COL6A5: variants seen among roughly 807,000 people sequenced by gnomAD.
The protein encoded by COL6A5 is collagen type VI alpha 5 chain.
Under a neutral mutation model 65.6 loss-of-function variants are expected in COL6A5, and 48 were observed. The observed-to-expected ratio is 0.73, with a 90% CI of 0.58 to 0.93. COL6A5 has a LOEUF of 0.93. Ranked by LOEUF, COL6A5 falls within the 40% of genes least tolerant of loss-of-function variation. COL6A5 has a pLI of 0.00. For synonymous variants in COL6A5, 291 were observed against 322.8 expected (o/e 0.90, Z 1.05); for missense variants, 914 against 928.3 (o/e 0.98, Z 0.20).
chr3:130,454,107 A>C (rs1360072429), intron 4 of COL6A5, among the ~76,000 whole-genome samples: 1 of 152,220 alleles, frequency 6.6e-6, no homozygotes, highest in Non-Finnish European at 1.5e-5. Flanking sequence ...TTATACACTT[A>C]TAGTTCTTAT....
rs1233316069 is a variant in COL6A5 at position 130,471,946 on chromosome 3, A to T, written c.2328+979A>T. On this transcript the variant is annotated intron_variant, in intron 7 of 7. Transcript: ENST00000512836. ...AAGAAGGTAATCGTGAGTACCATAG[A>T]GCTGAAGACCCTCAAGTACCTTTGT... 2 of 1,529,292 alleles carry T rather than the reference A, an allele frequency of 1.3e-6. No individual in the cohort carries two copies. The highest frequency in any genetic ancestry group is 8.7e-7 in the Non-Finnish European group (1 of 1,143,508). 94.7% of individuals were successfully genotyped at this position (1,529,292 alleles called of 1,614,324 possible).
At chr3:130,410,141 T>C (rs1276012653) in intron 19 of COL6A5, 67 bp downstream of exon 19, 6 of 1,149,836 alleles carry the variant, frequency 5.2e-6, no homozygotes, top group Non-Finnish European at 7.6e-6. Flanking sequence ...TTTAGTAAGA[T>C]ATGTAACCCT....
At chr3:130,413,462 A>G in intron 20 of COL6A5, 83 bp from the exon 21 acceptor site, 1 of 1,291,864 alleles carries the variant, frequency 7.7e-7, no homozygotes, top group Non-Finnish European at 1.1e-6. Flanking sequence ...TATGTCTAGC[A>G]GAGAATGAAA....
intron 5 of COL6A5, among the ~76,000 whole-genome samples, chr3:130,387,613 C>T (rs151132795): frequency 2.4e-4 from 37 of 152,096 alleles, no homozygotes; most frequent in African/African-American, 6.3e-4. Flanking sequence ...TGACCTTACA[C>T]GTTTATTAAG....
At chr3:130,405,721 C>A in intron 14 of COL6A5, 62 bp downstream of exon 14, 1 of 1,290,750 alleles carries the variant, frequency 7.7e-7, no homozygotes, top group Non-Finnish European at 1.1e-6. Context: ...TCTCTTTCCC[C>A]ATTCCTTTCC....
chr3:130,405,280 A>G (rs908019470), intron 13 of COL6A5, among the ~76,000 whole-genome samples: 1 of 152,194 alleles, frequency 6.6e-6, no homozygotes, highest in African/African-American at 2.4e-5. Context: ...GAGTCTTGGA[A>G]TGTGGCTACA....
At chr3:130,398,498 A>G (rs1340131402) in intron 10 of COL6A5, among the ~76,000 whole-genome samples, 1 of 152,206 alleles carries the variant, frequency 6.6e-6, no homozygotes. Flanking sequence ...CAGATGCTGT[A>G]GATCTTGAGA....
At chr3:130,374,791 C>T (rs1296417951) in intron 2 of COL6A5, among the ~76,000 whole-genome samples, 1 of 152,044 alleles carries the variant, frequency 6.6e-6, no homozygotes, top group African/African-American at 2.4e-5. Flanking sequence ...GTCATATATG[C>T]AGTCTGTTGT....
At chr3:130,455,723 T>A in intron 5 of COL6A5, 57 bp downstream of exon 37, 2 of 1,347,760 alleles carry the variant, frequency 1.5e-6, no homozygotes, top group Non-Finnish European at 2.1e-6. Flanking sequence ...CCTCATCTTT[T>A]AACACTAGTA....
chr3:130,461,153 C>T (rs945194299), intron 5 of COL6A5, among the ~76,000 whole-genome samples: 55 of 151,934 alleles, frequency 3.6e-4, no homozygotes, highest in Admixed American at 1.2e-3. Context: ...AAGACTCAGA[C>T]GTAAGCTCTG....
intron 22 of COL6A5, among the ~76,000 whole-genome samples, chr3:130,414,731 A>T (rs554877955): frequency 6.6e-6 from 1 of 152,090 alleles, no homozygotes; most frequent in African/African-American, 2.4e-5. Flanking sequence ...TAGTCATCTT[A>T]TGAAGCCCAC....
chr3:130,425,209 G>T (rs1355298366), intron 29 of COL6A5, among the ~76,000 whole-genome samples: 2 of 152,108 alleles, frequency 1.3e-5, no homozygotes, highest in East Asian at 1.9e-4. Context: ...CAATGGGTAC[G>T]ACTGGGGATG....
At chr3:130,477,194 A>G (rs1211183637) in intron 7 of COL6A5, 1 of 827,624 alleles carries the variant, frequency 1.2e-6, no homozygotes, top group African/African-American at 1.7e-5. Context: ...TCTATCTCTG[A>G]GTTGTTGAAA....
intron 23 of COL6A5, among the ~76,000 whole-genome samples, chr3:130,416,289 T>C (rs1339191198): frequency 1.3e-5 from 2 of 152,114 alleles, no homozygotes; most frequent in Admixed American, 6.6e-5. Context: ...ATTCCTAGCA[T>C]GTGTGGTCAG....
intron 5 of COL6A5, among the ~76,000 whole-genome samples, chr3:130,465,053 G>A (rs73868673): frequency 0.012 from 1,843 of 152,152 alleles, 39 homozygotes; most frequent in African/African-American, 0.042. Flanking sequence ...TTAAGACACT[G>A]GACATTAGGA....
intron 10 of COL6A5, among the ~76,000 whole-genome samples, chr3:130,399,318 G>A (rs1052571723): frequency 5.9e-5 from 9 of 151,674 alleles, no homozygotes; most frequent in Non-Finnish European, 1.2e-4. Flanking sequence ...TGGCTTGGGA[G>A]CTTTGCAGAA....
Position 130,401,952 on chromosome 3 carries a change from C to T in COL6A5, c.4227+98C>T. ...TTGAATTTACAGCCTTCACTCTATGCTAATGGAATTGCTTTGGACATTTCA... is the reference window on the plus strand; with the variant it reads ...TTGAATTTACAGCCTTCACTCTATGTTAATGGAATTGCTTTGGACATTTCA... On this transcript the variant is annotated intron_variant and NMD_transcript_variant, in intron 12 of 41. Coordinates refer to the COL6A5 transcript ENST00000312481. The T allele has an allele frequency of 3.5e-6, 3 of 855,012 alleles. No individual in the cohort carries two copies. In the South Asian group the frequency reaches 5.0e-5, roughly 14 times the overall value. 53.0% of individuals were successfully genotyped at this position (855,012 alleles called of 1,614,324 possible).
Position 130,466,199 on chromosome 3 carries a change from C to T in COL6A5, c.1545-2596C>T, listed in dbSNP as rs542040784. ...TTTCAAGTGCACATGAAACATTTAC[C>T]AAGATAGACCATATTGTGGACCATA... On this transcript the variant is annotated intron_variant, in intron 5 of 7. Transcript: ENST00000512836. Among the ~76,000 whole-genome samples the T allele has an allele frequency of 7.2e-5, 11 of 151,940 alleles. No individual in the cohort carries two copies. In the South Asian group the frequency reaches 2.1e-3, roughly 29 times the overall value.
At chr3:130,463,006 G>C (rs1015188431) in intron 5 of COL6A5, among the ~76,000 whole-genome samples, 1 of 151,994 alleles carries the variant, frequency 6.6e-6, no homozygotes, top group Non-Finnish European at 1.5e-5. Context: ...CCAAGCACTG[G>C]TTTGCTCATC....
Sources: allele counts gnomAD v4.1 joint callset (sites outside exome capture counted in the v4.1 genomes callset), GRCh38; gene constraint gnomAD v4.1.1; transcripts MANE v1.5; gene names NCBI Gene and HGNC (gene_info 2026-07-23, HGNC 2026-07-21).